Variants in EBF1 observed in about 807,000 individuals in gnomAD.
EBF1 encodes transcription factor COE1.
EBF1 carries 10 observed loss-of-function variants against 68.4 expected under a neutral mutation model. The ratio of observed to expected loss-of-function variants is 0.15; its 90% CI spans 0.09 to 0.25. The LOEUF is 0.25. EBF1 is among the 10% of genes least tolerant of loss of function. The probability of loss-of-function intolerance (pLI) is 1.00; values close to 1 mark genes in which losing one functional copy is unlikely to be tolerated. For synonymous variants in EBF1, 298 were observed against 299.8 expected (o/e 0.99, Z 0.06); for missense variants, 509 against 794.4 (o/e 0.64, Z 4.32).
intron 7 of EBF1, among the ~76,000 whole-genome samples, chr5:158,829,677 G>T (rs952782458): frequency 1.3e-5 from 2 of 152,060 alleles, no homozygotes; most frequent in Admixed American, 6.5e-5. Context: ...AAAAGGTATT[G>T]ATCACACTTC....
intron 6 of EBF1, among the ~76,000 whole-genome samples, chr5:158,951,201 C>G (rs956125200): frequency 2.0e-5 from 3 of 152,206 alleles, no homozygotes; most frequent in African/African-American, 7.2e-5. Context: ...TGACTATAAA[C>G]ACTTTTGACC....
At chr5:158,767,782 A>G (rs1268725505) in intron 10 of EBF1, among the ~76,000 whole-genome samples, 1 of 152,158 alleles carries the variant, frequency 6.6e-6, no homozygotes, top group Non-Finnish European at 1.5e-5. Flanking sequence ...AAACCAGAAG[A>G]GCAGGGAGAG....
At chr5:159,001,151 T>A (rs946045447) in intron 6 of EBF1, among the ~76,000 whole-genome samples, 1 of 152,202 alleles carries the variant, frequency 6.6e-6, no homozygotes, top group Non-Finnish European at 1.5e-5. Context: ...ACCATGCCAT[T>A]CTTCTAACTA....
intron 8 of EBF1, among the ~76,000 whole-genome samples, chr5:158,818,394 CCT>C (rs534031009): frequency 1.4e-4 from 22 of 152,204 alleles, no homozygotes; most frequent in Non-Finnish European, 3.2e-4. Flanking sequence ...GCAAAAACTG[CCT>C]CTGTCTGGAT....
intron 6 of EBF1, among the ~76,000 whole-genome samples, chr5:158,920,830 C>T (rs1297210235): frequency 6.6e-6 from 1 of 152,144 alleles, no homozygotes; most frequent in African/African-American, 2.4e-5. Context: ...GGCTCTGGCA[C>T]CAGCGTGACT....
chr5:158,856,742 G>C (rs2128015479), intron 6 of EBF1, among the ~76,000 whole-genome samples: 1 of 152,336 alleles, frequency 6.6e-6, no homozygotes, highest in Admixed American at 6.5e-5. Flanking sequence ...ATCACAGGGA[G>C]ATTTAGTAAC....
chr5:158,883,409 T>C (rs533696812), intron 6 of EBF1, among the ~76,000 whole-genome samples: 2 of 149,560 alleles, frequency 1.3e-5, no homozygotes, highest in South Asian at 4.2e-4. Context: ...TGTGTATATA[T>C]ATACATACAT....
intron 6 of EBF1, among the ~76,000 whole-genome samples, chr5:159,051,726 C>T (rs1468585212): frequency 6.6e-6 from 1 of 151,968 alleles, no homozygotes; most frequent in Non-Finnish European, 1.5e-5. Context: ...GGGCAAGACA[C>T]GGGGTGTTCC....
chr5:158,751,274 C>T (rs4704955), intron 10 of EBF1, among the ~76,000 whole-genome samples: 17 of 151,736 alleles, frequency 1.1e-4, no homozygotes, highest in Admixed American at 9.2e-4. Flanking sequence ...TATCTAAGCA[C>T]GTATTAGAGA....
At chr5:158,959,569 G>A (rs781716687) in intron 6 of EBF1, among the ~76,000 whole-genome samples, 2 of 151,872 alleles carry the variant, frequency 1.3e-5, no homozygotes, top group Admixed American at 1.3e-4. Context: ...TGGGATTACC[G>A]GCCTGAGCCA....
intron 6 of EBF1, among the ~76,000 whole-genome samples, chr5:158,893,889 T>C (rs1020947079): frequency 6.6e-6 from 1 of 152,134 alleles, no homozygotes; most frequent in Non-Finnish European, 1.5e-5. Context: ...CAAATTACAG[T>C]TTCAAAATGG....
chr5:158,820,459 T>C (rs1163544620), intron 8 of EBF1, among the ~76,000 whole-genome samples: 2 of 152,252 alleles, frequency 1.3e-5, no homozygotes, highest in Non-Finnish European at 2.9e-5. Context: ...GCTGAGTAGA[T>C]ATTTATGTGT....
intron 6 of EBF1, 27 bp downstream of exon 6, chr5:159,073,369 A>G (rs1281871302): frequency 6.2e-7 from 1 of 1,611,046 alleles, no homozygotes; most frequent in Non-Finnish European, 8.5e-7. Context: ...AGGAATAAGA[A>G]TCCAGTGAAA....
chr5:158,903,529 C>A (rs556077348), intron 6 of EBF1, among the ~76,000 whole-genome samples: 1 of 152,122 alleles, frequency 6.6e-6, no homozygotes, highest in South Asian at 2.1e-4. Flanking sequence ...GCCTGGCAGA[C>A]AATGGGCAGG....
At chr5:159,084,103 T>C (rs1244016347) in intron 5 of EBF1, among the ~76,000 whole-genome samples, 1 of 151,914 alleles carries the variant, frequency 6.6e-6, no homozygotes, top group East Asian at 1.9e-4. Context: ...TCACTACCTC[T>C]GCGAAGTATT....
At chr5:158,962,353 C>A (rs1030263179) in intron 6 of EBF1, among the ~76,000 whole-genome samples, 1 of 152,086 alleles carries the variant, frequency 6.6e-6, no homozygotes, top group Non-Finnish European at 1.5e-5. Context: ...AGTGAAGCTG[C>A]CAAGAGGCTG....
intron 9 of EBF1, among the ~76,000 whole-genome samples, chr5:158,789,672 C>G (rs1778193498): frequency 5.9e-5 from 9 of 152,046 alleles, no homozygotes; most frequent in Admixed American, 5.9e-4. Flanking sequence ...TCTTTTTCCT[C>G]ACAAAATAAG....
At chr5:159,022,056 T>TAA (rs10630834) in intron 6 of EBF1, among the ~76,000 whole-genome samples, 18,134 of 105,398 alleles carry the variant, frequency 0.17, 1,820 homozygotes, top group Non-Finnish European at 0.21. Context: ...GTCAGCACGA[T>TAA]AAAAAAAAAA....
At chr5:158,715,348 A>G (rs907194284) in intron 11 of EBF1, among the ~76,000 whole-genome samples, 3 of 152,202 alleles carry the variant, frequency 2.0e-5, no homozygotes, top group Non-Finnish European at 4.4e-5. Flanking sequence ...AATCGCATTC[A>G]TTTTGCTGTC....
Sources: gnomAD v4.1 joint callset for allele counts (sites outside exome capture counted in the v4.1 genomes callset) on GRCh38, gnomAD v4.1.1 for gene constraint, MANE v1.5 for transcripts, NCBI Gene and HGNC (gene_info 2026-07-23, HGNC 2026-07-21) for gene names.